Variants in SHISA6 observed in about 807,000 individuals in gnomAD.
SHISA6 encodes protein shisa-6.
In SHISA6, 22 loss-of-function variants were observed where a neutral mutation model predicts 47.9. The ratio of observed to expected loss-of-function variants is 0.46; its 90% CI spans 0.33 to 0.66. The LOEUF (loss-of-function observed/expected upper bound fraction) is 0.66. Ranked by LOEUF, SHISA6 falls within the 30% of genes least tolerant of loss-of-function variation. The pLI is 0.02. For missense variants in SHISA6, 680 were observed against 764.6 expected, an observed-to-expected ratio of 0.89 and a Z score of 1.30; for synonymous variants, 388 against 337.8, an observed-to-expected ratio of 1.15 and a Z score of -1.63.
chr17:11,250,615 G>A (rs1468669306), intron 1 of SHISA6, among the ~76,000 whole-genome samples: 1 of 152,172 alleles, frequency 6.6e-6, no homozygotes, highest in East Asian at 1.9e-4. Flanking sequence ...GGATTTAGGG[G>A]TTGGTAAAGG....
rs1449518447 is a variant in SHISA6 at position 11,241,618 on chromosome 17, G to A, written c.196G>A (p.Gly66Arg). The A allele has an allele frequency of 3.0e-6, 4 of 1,320,986 alleles. No individual in the cohort carries two copies. The highest frequency in any genetic ancestry group is 3.8e-6 in the Non-Finnish European group (4 of 1,045,284). 81.8% of individuals were successfully genotyped at this position (1,320,986 alleles called of 1,614,324 possible). A position where few individuals can be genotyped will look rare whatever the true frequency, so the allele number is the denominator to read the frequency against. The part of the protein sequence containing the change: ...RELNGTARAP[G>R]IPEAGSRRGQ... Reference sequence around the variant, plus strand: ...GCTGAACGGCACCGCCCGGGCGCCCGGAATCCCGGAGGCGGGAAGCCGGCG... The same window carrying A: ...GCTGAACGGCACCGCCCGGGCGCCCAGAATCCCGGAGGCGGGAAGCCGGCG... The change falls in exon 1 of 6, where the codon GGA becomes AGA. Residue 66 changes from glycine (G) to arginine (R), a missense_variant. Around this residue, in one of 2 missense-constraint regions of SHISA6, gnomAD observed 121 missense variants for 90.5 expected, o/e 1.34. Transcript: ENST00000441885. This position sits in a 1 kb window ranked among gnomAD's most constrained non-coding sequence, Gnocchi z 5.5.
At chr17:11,528,637 C>A (rs1281340073) in intron 3 of SHISA6, among the ~76,000 whole-genome samples, 2 of 152,056 alleles carry the variant, frequency 1.3e-5, no homozygotes, top group Non-Finnish European at 2.9e-5. Context: ...GAAATATTCA[C>A]TTAATAACAA....
At chr17:11,487,230 C>T (rs763109710) in intron 3 of SHISA6, among the ~76,000 whole-genome samples, 40 of 152,312 alleles carry the variant, frequency 2.6e-4, no homozygotes, top group Middle Eastern at 3.4e-3. Context: ...GCCATGGCAC[C>T]TGACAGCCCC....
intron 2 of SHISA6, among the ~76,000 whole-genome samples, chr17:11,365,523 C>A (rs2142233320): frequency 6.6e-6 from 1 of 152,322 alleles, no homozygotes; most frequent in African/African-American, 2.4e-5. Flanking sequence ...AGTGACCCAC[C>A]TGCCTTGGCC....
At chr17:11,555,660 G>C in intron 4 of SHISA6, 80 bp from the exon 5 acceptor site, 2 of 1,412,132 alleles carry the variant, frequency 1.4e-6, no homozygotes, top group Non-Finnish European at 9.3e-7. Context: ...ATGGGGATTC[G>C]AATCAGGGGT....
In SHISA6 at chr17:11,304,966, C is replaced by T. The variant is rs113269363; in HGVS notation, c.799+41440C>T. Among the ~76,000 whole-genome samples the T allele has an allele frequency of 2.0e-3, 299 of 152,272 alleles. 1 individual carries two copies. The highest frequency in any genetic ancestry group is 6.5e-3 in the African/African-American group (270 of 41,542). ...TCCTCAGACCGCATGTTTCGATGCA[C>T]AGCTTTGTTGTTCCGATTTTTATGT... On this transcript the variant is annotated intron_variant, in intron 2 of 5. Transcript: ENST00000441885.
chr17:11,351,351 C>G (rs1662350695), intron 2 of SHISA6, among the ~76,000 whole-genome samples: 1 of 152,154 alleles, frequency 6.6e-6, no homozygotes, highest in Non-Finnish European at 1.5e-5. Flanking sequence ...TCCTGTCATG[C>G]CTACCTGAAT....
intron 3 of SHISA6, among the ~76,000 whole-genome samples, chr17:11,507,442 C>T (rs902110269): frequency 1.3e-5 from 2 of 152,192 alleles, no homozygotes; most frequent in African/African-American, 2.4e-5. Flanking sequence ...CCTTCTCATC[C>T]TTCATGAACC....
chr17:11,335,591 C>T (rs1246736905), intron 2 of SHISA6, among the ~76,000 whole-genome samples: 1 of 152,098 alleles, frequency 6.6e-6, no homozygotes, highest in African/African-American at 2.4e-5. Context: ...TCTCTTTTTC[C>T]TTGGCTCCTC....
intron 3 of SHISA6, among the ~76,000 whole-genome samples, chr17:11,463,040 A>C (rs1162358345): frequency 8.5e-5 from 13 of 152,224 alleles, no homozygotes; most frequent in Admixed American, 6.5e-4. Flanking sequence ...AATCTACTTT[A>C]TGAAAAACCT....
At chr17:11,274,057 C>G (rs1908784452) in intron 2 of SHISA6, among the ~76,000 whole-genome samples, 1 of 152,154 alleles carries the variant, frequency 6.6e-6, no homozygotes, top group African/African-American at 2.4e-5. Flanking sequence ...GAGGAGCTGC[C>G]CTTGTGATGA....
chr17:11,320,073 G>A (rs980721766), intron 2 of SHISA6, among the ~76,000 whole-genome samples: 1 of 152,188 alleles, frequency 6.6e-6, no homozygotes, highest in Non-Finnish European at 1.5e-5. Context: ...AATACTTCAT[G>A]TTTAATAGAT....
intron 3 of SHISA6, among the ~76,000 whole-genome samples, chr17:11,544,527 T>C (rs571933327): frequency 9.9e-5 from 15 of 152,110 alleles, no homozygotes; most frequent in African/African-American, 3.4e-4. Context: ...AAGGTATAAA[T>C]AGCTAAAATT....
At chr17:11,258,032 A>C (rs538375124) in intron 1 of SHISA6, among the ~76,000 whole-genome samples, 1 of 152,248 alleles carries the variant, frequency 6.6e-6, no homozygotes, top group Non-Finnish European at 1.5e-5. Flanking sequence ...ATACTTAATT[A>C]GGCAGGAATG....
chr17:11,528,206 A>C (rs1055395731), intron 3 of SHISA6, among the ~76,000 whole-genome samples: 4 of 152,174 alleles, frequency 2.6e-5, no homozygotes, highest in Non-Finnish European at 4.4e-5. Flanking sequence ...TTACAAATAA[A>C]TTTTATTATT....
rs145235238 is a variant in SHISA6 at position 11,432,290 on chromosome 17, A to C, written c.895+52781A>C. Among the ~76,000 whole-genome samples the C allele has an allele frequency of 1.5e-4, 23 of 152,190 alleles. No individual in the cohort carries two copies. In the South Asian group the frequency reaches 4.8e-3, roughly 32 times the overall value. ...TCTCTTGCAACTCTCAGTAGGGTGG[A>C]CTCCTCTGAGTCAGTGAGAATGGGA... On this transcript the variant is annotated intron_variant, in intron 3 of 5. Coordinates refer to ENST00000441885, the MANE Select transcript of SHISA6 (RefSeq NM_207386.4).
chr17:11,270,124 C>T (rs987177821), intron 2 of SHISA6, among the ~76,000 whole-genome samples: 1 of 152,070 alleles, frequency 6.6e-6, no homozygotes. Context: ...TACAGGTGTG[C>T]ATCACCACCC....
intron 2 of SHISA6, among the ~76,000 whole-genome samples, chr17:11,334,716 C>T (rs1052455910): frequency 2.6e-4 from 40 of 152,200 alleles, no homozygotes; most frequent in African/African-American, 9.4e-4. Flanking sequence ...GCCCTGCCTT[C>T]GGATCAGAAA....
intron 3 of SHISA6, among the ~76,000 whole-genome samples, chr17:11,489,934 G>C (rs1246939522): frequency 5.3e-5 from 8 of 152,168 alleles, no homozygotes; most frequent in Admixed American, 3.9e-4. Flanking sequence ...TACTGCCCAG[G>C]CTGAGAAATC....
Sources: gnomAD v4.1 joint callset for allele counts (sites outside exome capture counted in the v4.1 genomes callset) on GRCh38, gnomAD v4.1.1 for gene constraint, gnomAD v4.1.1 regional missense constraint, Gnocchi (gnomAD v3.1) non-coding constraint, MANE v1.5 for transcripts, NCBI Gene and HGNC (gene_info 2026-07-23, HGNC 2026-07-21) for gene names.